PTPRD: variants seen among roughly 807,000 people sequenced by gnomAD.
PTPRD encodes receptor-type tyrosine-protein phosphatase delta.
PTPRD carries 34 observed loss-of-function variants against 214.5 expected under a neutral mutation model. The observed-to-expected ratio is 0.16, with a 90% CI of 0.12 to 0.21. The LOEUF (loss-of-function observed/expected upper bound fraction) is 0.21. Ranked by LOEUF, PTPRD falls within the 10% of genes least tolerant of loss-of-function variation. The pLI is 1.00. For missense variants in PTPRD, 2,545 were observed against 2,398.7 expected (o/e 1.06, Z -1.27); for synonymous variants, 1,128 against 845.7 (o/e 1.33, Z -5.79).
At chr9:8,384,708 T>G (rs148032250) in intron 37 of PTPRD, among the ~76,000 whole-genome samples, 1,864 of 152,174 alleles carry the variant, frequency 0.012, 31 homozygotes, top group African/African-American at 0.041. Flanking sequence ...GTATTTTTAG[T>G]AGAGATGGGG....
chr9:8,870,239 A>G (rs1382856266), intron 11 of PTPRD, among the ~76,000 whole-genome samples: 1 of 152,092 alleles, frequency 6.6e-6, no homozygotes, highest in African/African-American at 2.4e-5. Context: ...GCCATCTCAT[A>G]TATAACATGA....
At chr9:10,167,793 C>T (rs758774314) in intron 3 of PTPRD, among the ~76,000 whole-genome samples, 2 of 152,092 alleles carry the variant, frequency 1.3e-5, no homozygotes, top group Non-Finnish European at 2.9e-5. Context: ...CCAAATTCAC[C>T]TTCTCCCAAT....
chr9:8,838,668 A>G (rs2097492126), intron 11 of PTPRD, among the ~76,000 whole-genome samples: 1 of 152,034 alleles, frequency 6.6e-6, no homozygotes, highest in South Asian at 2.1e-4. Context: ...AATTTATTAT[A>G]TGGTTTAGTT....
intron 8 of PTPRD, among the ~76,000 whole-genome samples, chr9:9,557,338 C>T (rs2081788784): frequency 6.6e-6 from 1 of 152,158 alleles, no homozygotes; most frequent in Admixed American, 6.6e-5. Flanking sequence ...ACAAAGCAGA[C>T]TCTTTGTACC....
At chr9:9,972,417 G>A (rs138338656) in intron 4 of PTPRD, among the ~76,000 whole-genome samples, 14 of 152,274 alleles carry the variant, frequency 9.2e-5, no homozygotes, top group African/African-American at 3.4e-4. Context: ...GTAAGGCTAT[G>A]GCGAAACTTA....
intron 11 of PTPRD, among the ~76,000 whole-genome samples, chr9:8,965,130 C>A (rs557311849): frequency 1.2e-4 from 19 of 152,088 alleles, no homozygotes; most frequent in Non-Finnish European, 2.5e-4. Context: ...GTAATCCCAG[C>A]ACTTTGGGAG....
At chr9:10,583,824 AAAGGACAGCTGTGTTATTTCG>A (rs1349504610) in intron 2 of PTPRD, among the ~76,000 whole-genome samples, 1 of 152,132 alleles carries the variant, frequency 6.6e-6, no homozygotes, top group Non-Finnish European at 1.5e-5. Flanking sequence ...ATGCTCTTTG[AAAGGACAGCTGTGTTATTTCG>A]AAGGGCAGCT....
intron 2 of PTPRD, among the ~76,000 whole-genome samples, chr9:10,349,935 A>G (rs1199319715): frequency 6.6e-6 from 1 of 152,204 alleles, no homozygotes; most frequent in East Asian, 1.9e-4. Context: ...TGCTGGGATT[A>G]CAGGCATGAG....
At chr9:9,245,705 C>A (rs1244436426) in intron 9 of PTPRD, among the ~76,000 whole-genome samples, 6 of 152,030 alleles carry the variant, frequency 3.9e-5, no homozygotes, top group African/African-American at 1.2e-4. Flanking sequence ...ACCAACATGG[C>A]ACATGTATAC....
intron 9 of PTPRD, among the ~76,000 whole-genome samples, chr9:9,250,007 T>G (rs1046324592): frequency 2.0e-5 from 3 of 152,102 alleles, no homozygotes; most frequent in African/African-American, 7.2e-5. Context: ...CACATTAAAT[T>G]AAATACTGTT....
In PTPRD at chr9:10,324,700, C is replaced by A. The variant is rs961074523; in HGVS notation, c.-545+16263G>T. On this transcript the variant is annotated intron_variant, in intron 3 of 45. Coordinates refer to ENST00000381196, the MANE Select transcript of PTPRD (RefSeq NM_002839.4). ...TGATCTAGGGTATTCCTATTGATCA[C>A]CCCGCCTTCAAAGAAACACTCAGTC... 1.3e-4 allele frequency among the ~76,000 whole-genome samples: 20 copies of A among 151,894 alleles called. 1 individual carries two copies. Among genetic ancestry groups the A allele is most frequent in the Admixed American group, 1.2e-3 (19 of 15,218 alleles).
rs543026633 is a variant in PTPRD, at chr9:9,030,266, C to A, written c.-142-11531G>T. Among the ~76,000 whole-genome samples the A allele has an allele frequency of 1.2e-4, 16 of 130,094 alleles. No individual in the cohort carries two copies. In the East Asian group the frequency reaches 3.8e-3, roughly 31 times the overall value. The allele number at this position is 130,094 out of a possible 152,430, so 85.3% of individuals were successfully genotyped here. A position where few individuals can be genotyped will look rare whatever the true frequency, so the allele number is the denominator to read the frequency against. On this transcript the variant is annotated intron_variant, in intron 10 of 45. Transcript: ENST00000381196. ...CTTAGTGCCTTTGGATCACATGGGC[C>A]ACACTTGGGCTTTTTTTTTTTTTTT...
At chr9:9,071,562 T>C (rs566839164) in intron 10 of PTPRD, among the ~76,000 whole-genome samples, 2 of 152,114 alleles carry the variant, frequency 1.3e-5, no homozygotes, top group Non-Finnish European at 2.9e-5. Context: ...TGGCCTCTGG[T>C]CCCTGAGGTC....
chr9:9,640,296 G>C (rs531851229), intron 7 of PTPRD, among the ~76,000 whole-genome samples: 1 of 152,202 alleles, frequency 6.6e-6, no homozygotes, highest in Non-Finnish European at 1.5e-5. Flanking sequence ...CTCTTTCCGA[G>C]GAACAGTTTT....
chr9:10,285,233 A>T (rs2095304184), intron 3 of PTPRD, among the ~76,000 whole-genome samples: 1 of 152,178 alleles, frequency 6.6e-6, no homozygotes, highest in African/African-American at 2.4e-5. Context: ...GTAAGAATAC[A>T]CTTTTTGTAA....
At chr9:10,525,813 G>C (rs1015845977) in intron 2 of PTPRD, among the ~76,000 whole-genome samples, 1 of 151,398 alleles carries the variant, frequency 6.6e-6, no homozygotes, top group African/African-American at 2.4e-5. Flanking sequence ...AGTCATCACA[G>C]GGTTCTCGCT....
intron 3 of PTPRD, among the ~76,000 whole-genome samples, chr9:10,228,376 T>C (rs541431835): frequency 6.6e-6 from 1 of 152,056 alleles, no homozygotes; most frequent in Admixed American, 6.6e-5. Flanking sequence ...ACAGGATATT[T>C]CTGTATATTA....
At chr9:9,502,673 T>C (rs1283591647) in intron 8 of PTPRD, among the ~76,000 whole-genome samples, 1 of 151,870 alleles carries the variant, frequency 6.6e-6, no homozygotes, top group Non-Finnish European at 1.5e-5. Flanking sequence ...AGCCCCAAAC[T>C]GTAAACAACC....
chr9:10,537,066 G>A (rs2057983856), intron 2 of PTPRD, among the ~76,000 whole-genome samples: 1 of 152,102 alleles, frequency 6.6e-6, no homozygotes, highest in Non-Finnish European at 1.5e-5. Context: ...TCTGTGGGAT[G>A]AACAGCATTT....
Sources: gnomAD v4.1 joint callset for allele counts (sites outside exome capture counted in the v4.1 genomes callset) on GRCh38, gnomAD v4.1.1 for gene constraint, MANE v1.5 for transcripts, NCBI Gene and HGNC (gene_info 2026-07-23, HGNC 2026-07-21) for gene names.